The following SH3RF3 variants were observed in gnomAD, a reference collection of about 807,000 sequenced individuals.
The protein encoded by SH3RF3 is SH3 domain containing ring finger 3.
A neutral mutation model predicts 66.3 loss-of-function variants in SH3RF3; 29 were observed. The ratio of observed to expected loss-of-function variants is 0.44; its 90% CI spans 0.33 to 0.60. The LOEUF (loss-of-function observed/expected upper bound fraction) is 0.60. Ranked by LOEUF, SH3RF3 falls within the 20% of genes least tolerant of loss-of-function variation. The probability of loss-of-function intolerance (pLI) is 0.04; values close to 1 mark genes in which losing one functional copy is unlikely to be tolerated. For synonymous variants in SH3RF3, 583 were observed against 532.0 expected, an observed-to-expected ratio of 1.10 and a Z score of -1.32; for missense variants, 1,194 against 1,190.9, an observed-to-expected ratio of 1.00 and a Z score of -0.04.
intron 1 of SH3RF3, among the ~76,000 whole-genome samples, chr2:109,334,483 C>A (rs977862354): frequency 6.6e-6 from 1 of 152,204 alleles, no homozygotes; most frequent in Middle Eastern, 3.4e-3. Flanking sequence ...TGCGGACTTT[C>A]CTCGCAATAA....
intron 1 of SH3RF3, among the ~76,000 whole-genome samples, chr2:109,248,753 C>T (rs1370210092): frequency 6.7e-6 from 1 of 149,906 alleles, no homozygotes; most frequent in African/African-American, 2.5e-5. Context: ...TCTTTCCTTC[C>T]TTCTCTCTCT....
intron 1 of SH3RF3, among the ~76,000 whole-genome samples, chr2:109,186,802 C>T (rs1002124811): frequency 6.6e-6 from 1 of 152,178 alleles, no homozygotes; most frequent in Non-Finnish European, 1.5e-5. Context: ...GCCTTAGGTT[C>T]CACCTACAAC....
At chr2:109,280,006 C>T (rs1680845829) in intron 1 of SH3RF3, among the ~76,000 whole-genome samples, 1 of 152,150 alleles carries the variant, frequency 6.6e-6, no homozygotes, top group South Asian at 2.1e-4. Context: ...GGCTGTGCTG[C>T]CCCAGGGTGG....
At position 109,492,384 on chromosome 2, in the gene SH3RF3, G is replaced by A. The variant is rs866221316; in HGVS notation, c.2480+1448G>A. On this transcript the variant is annotated intron_variant, in intron 9 of 9. Coordinates refer to ENST00000309415, the MANE Select transcript of SH3RF3 (RefSeq NM_001099289.3). The stretch of plus-strand genomic sequence containing the variant: ...GTGGACAGGGCTCTCTGCAGAACCC[G>A]CAGCTACTGACTTCTGCTAACCAGT... Among the ~76,000 whole-genome samples the A allele has an allele frequency of 7.2e-5, 11 of 152,078 alleles. No individual in the cohort carries two copies. The South Asian group carries it at 1.9e-3, about 26-fold the overall frequency.
chr2:109,213,738 A>T (rs1298860500), intron 1 of SH3RF3, among the ~76,000 whole-genome samples: 1 of 152,190 alleles, frequency 6.6e-6, no homozygotes, highest in East Asian at 1.9e-4. Flanking sequence ...TGAGTGGGGA[A>T]CGTGGGGATG....
Position 109,451,078 on chromosome 2 carries a change from G to A in SH3RF3, c.2148+1589G>A, listed in dbSNP as rs1215722142. ...GCAGACATGGGCCACACCAGGTTCC[G>A]CAGGGCCTCAGCACCTCCTGTGTTG... On this transcript the variant is annotated intron_variant, in intron 8 of 9. Transcript: ENST00000309415. Among the ~76,000 whole-genome samples the A allele has an allele frequency of 3.9e-5, 6 of 152,234 alleles. No homozygotes were observed. The East Asian group carries it at 9.6e-4, about 24-fold the overall frequency.
intron 6 of SH3RF3, among the ~76,000 whole-genome samples, chr2:109,436,357 G>A (rs999561419): frequency 3.3e-5 from 5 of 152,288 alleles, no homozygotes; most frequent in African/African-American, 4.8e-5. Context: ...TGGAAACTTC[G>A]GAGTGAAAGG....
intron 1 of SH3RF3, among the ~76,000 whole-genome samples, chr2:109,294,527 C>G (rs1436851106): frequency 6.7e-6 from 1 of 149,506 alleles, no homozygotes; most frequent in Non-Finnish European, 1.5e-5. Context: ...CACCACTACA[C>G]TCCAGCTTGT....
chr2:109,294,009 G>C (rs973326198), intron 1 of SH3RF3, among the ~76,000 whole-genome samples: 5 of 152,170 alleles, frequency 3.3e-5, no homozygotes, highest in Non-Finnish European at 5.9e-5. Context: ...CCGAGCAGCT[G>C]GTTGTGTCAC....
intron 5 of SH3RF3, among the ~76,000 whole-genome samples, chr2:109,419,878 G>T (rs1369516940): frequency 2.0e-5 from 3 of 152,240 alleles, no homozygotes; most frequent in Non-Finnish European, 4.4e-5. Context: ...GATATTCAGA[G>T]TATTCACAGT....
intron 8 of SH3RF3, among the ~76,000 whole-genome samples, chr2:109,456,863 T>C (rs1249759179): frequency 6.6e-6 from 1 of 152,208 alleles, no homozygotes; most frequent in African/African-American, 2.4e-5. Context: ...CAGCTTCTCT[T>C]CTGGGGAGAA....
At position 109,364,592 on chromosome 2, in the gene SH3RF3, C is replaced by T. The variant is rs556456935; in HGVS notation, c.850-6994C>T. On this transcript the variant is annotated intron_variant, in intron 2 of 9. Coordinates refer to ENST00000309415, the MANE Select transcript of SH3RF3 (RefSeq NM_001099289.3). ...GGTAAAAAGAACTGCTGTAAATAGGCCTTTGGTGCTGTGGGGGCCATGCGG... is the reference window on the plus strand; with the variant it reads ...GGTAAAAAGAACTGCTGTAAATAGGTCTTTGGTGCTGTGGGGGCCATGCGG... Among the ~76,000 whole-genome samples the T allele has an allele frequency of 3.9e-5, 6 of 152,308 alleles. No individual in the cohort carries two copies. In the South Asian group the frequency reaches 1.0e-3, roughly 26 times the overall value.
At chr2:109,267,380 G>T (rs1175263083) in intron 1 of SH3RF3, among the ~76,000 whole-genome samples, 2 of 152,206 alleles carry the variant, frequency 1.3e-5, no homozygotes, top group Non-Finnish European at 2.9e-5. Flanking sequence ...TGTGCGCTTT[G>T]TACAAGTGCT....
intron 9 of SH3RF3, among the ~76,000 whole-genome samples, chr2:109,498,730 G>A (rs796689373): frequency 7.2e-5 from 11 of 152,348 alleles, no homozygotes; most frequent in African/African-American, 2.6e-4. Context: ...CTTGGAGCAG[G>A]TGTGCAGTAA....
At chr2:109,184,114 T>C (rs10193749) in intron 1 of SH3RF3, among the ~76,000 whole-genome samples, 124,637 of 152,168 alleles carry the variant, frequency 0.82, 51,182 homozygotes, top group East Asian at 0.89. Flanking sequence ...ATGTGCTTCG[T>C]AGTCTCCTGC....
intron 1 of SH3RF3, among the ~76,000 whole-genome samples, chr2:109,163,807 G>C (rs1365227505): frequency 6.6e-6 from 1 of 152,148 alleles, no homozygotes; most frequent in Non-Finnish European, 1.5e-5. Context: ...CTTAATAATG[G>C]CTCTGCTTCC....
intron 1 of SH3RF3, among the ~76,000 whole-genome samples, chr2:109,345,074 C>T (rs1018769578): frequency 2.6e-5 from 4 of 152,130 alleles, no homozygotes; most frequent in Non-Finnish European, 4.4e-5. Context: ...ACAGAATCCC[C>T]GTGACTCAGG....
chr2:109,386,601 T>C (rs1675831007), intron 3 of SH3RF3, among the ~76,000 whole-genome samples: 2 of 152,168 alleles, frequency 1.3e-5, no homozygotes, highest in Admixed American at 6.5e-5. Flanking sequence ...TCTGCTTCCC[T>C]TCTGTTTGGG....
intron 1 of SH3RF3, among the ~76,000 whole-genome samples, chr2:109,166,552 TGA>T (rs1422796055): frequency 6.6e-6 from 1 of 152,098 alleles, no homozygotes; most frequent in Non-Finnish European, 1.5e-5. Flanking sequence ...TCAGCCATGC[TGA>T]GTCATGGAAG....
Sources: allele counts gnomAD v4.1 joint callset (sites outside exome capture counted in the v4.1 genomes callset), GRCh38; gene constraint gnomAD v4.1.1; transcripts MANE v1.5; gene names NCBI Gene and HGNC (gene_info 2026-07-23, HGNC 2026-07-21).